The following SERPINB8 variants were observed in gnomAD, a reference collection of about 807,000 sequenced individuals.
SERPINB8 encodes serpin B8.
In SERPINB8, 25 loss-of-function variants were observed where a neutral mutation model predicts 35.3. The ratio of observed to expected loss-of-function variants is 0.71; its 90% CI spans 0.52 to 0.99. The LOEUF is 0.99. SERPINB8 is among the 50% of genes least tolerant of loss of function. The probability of loss-of-function intolerance (pLI) is 0.00; values close to 1 mark genes in which losing one functional copy is unlikely to be tolerated. For synonymous variants in SERPINB8, 186 were observed against 160.8 expected (o/e 1.16, Z -1.19); for missense variants, 484 against 446.5 (o/e 1.08, Z -0.76).
downstream of SERPINB8, among the ~76,000 whole-genome samples, chr18:63,993,836 G>A (rs1285179976): frequency 6.6e-6 from 1 of 152,174 alleles, no homozygotes; most frequent in East Asian, 1.9e-4. Flanking sequence ...TGCAGTCAAG[G>A]ACTCAGGCCC....
In SERPINB8 at chr18:63,988,493, AC is replaced by A. The variant is rs1164602260; in HGVS notation, c.*1216del. On this transcript the variant is annotated 3_prime_UTR_variant, in exon 7 of 7. Coordinates refer to ENST00000397985, the MANE Select transcript of SERPINB8 (RefSeq NM_002640.4). ...CTTAATATATTTTTTAAAATTCCTA[AC>A]AATAGTACTGTTGAGATAAAAGTTG... The A allele has an allele frequency of 7.2e-5, 11 of 152,216 alleles. No individual in the cohort carries two copies. The highest frequency in any genetic ancestry group is 7.2e-4 in the Admixed American group (11 of 15,292). The allele number at this position is 152,216 out of a possible 1,614,324, so 9.4% of individuals were successfully genotyped here.
At chr18:63,993,137 T>A (rs1469643930), downstream of SERPINB8, among the ~76,000 whole-genome samples, 1 of 151,898 alleles carries the variant, frequency 6.6e-6, no homozygotes, top group Admixed American at 6.6e-5. Context: ...TTTTAGTTTT[T>A]TTAAGGTGAA....
intron 1 of SERPINB8, among the ~76,000 whole-genome samples, chr18:63,995,547 T>C (rs2050845111): frequency 6.6e-6 from 1 of 152,210 alleles, no homozygotes; most frequent in Admixed American, 6.5e-5. Context: ...GTGTTCTTGG[T>C]ATAGATGTAT....
chr18:64,018,020 A>G (rs1201198282), intron 7 of SERPINB8, among the ~76,000 whole-genome samples: 1 of 152,226 alleles, frequency 6.6e-6, no homozygotes, highest in Non-Finnish European at 1.5e-5. Flanking sequence ...AGAAGTTCAA[A>G]AACAGACTAA....
rs755444461 is a variant in SERPINB8, at chr18:63,983,715, C to T, written c.561C>T (p.Thr187=). 6.2e-7 allele frequency: 1 copy of T among 1,612,176 alleles called. No homozygotes were observed. The highest frequency in any genetic ancestry group is 1.1e-5 in the South Asian group (1 of 90,968). ...ACACAAGGGGAATGCTCTTTAAAAC[C>T]AACGAGGTAGGGAAAGATTTTTCAG... ...RKYTRGMLFK[T]NEEKKTVQMM... is the part of the protein sequence containing the mutation. Residue 187 remains threonine, a synonymous_variant, in exon 5 of 7, where the codon ACC becomes ACT. Transcript: ENST00000397985.
intron 2 of SERPINB8, among the ~76,000 whole-genome samples, chr18:63,979,428 A>G (rs1027795312): frequency 1.3e-5 from 2 of 152,124 alleles, no homozygotes; most frequent in African/African-American, 2.4e-5. Context: ...GCATGAATAA[A>G]TTTGCTAGAC....
downstream of SERPINB8, among the ~76,000 whole-genome samples, chr18:63,990,389 T>C (rs2050818556): frequency 6.6e-6 from 1 of 152,172 alleles, no homozygotes; most frequent in Admixed American, 6.5e-5. Flanking sequence ...TGTTTTCTTA[T>C]TGTATTTTGA....
intron 2 of SERPINB8, 80 bp downstream of exon 2, chr18:63,978,556 T>A: frequency 6.5e-7 from 1 of 1,530,876 alleles, no homozygotes; most frequent in Non-Finnish European, 8.9e-7. Context: ...GTACTTTTGC[T>A]CTAGCTGAGG....
chr18:63,982,911 A>T (rs2050694214), intron 4 of SERPINB8, among the ~76,000 whole-genome samples: 1 of 145,754 alleles, frequency 6.9e-6, no homozygotes, highest in African/African-American at 2.6e-5. Flanking sequence ...CTACCCCCCT[A>T]ATTCCTTTGC....
intron 5 of SERPINB8, 37 bp downstream of exon 5, chr18:63,983,758 T>G: frequency 7.0e-7 from 1 of 1,419,476 alleles, no homozygotes; most frequent in Non-Finnish European, 9.9e-7. Context: ...GCTACTTTCT[T>G]AAAGTAATAT....
chr18:63,981,349 G>T (rs1375939681), intron 3 of SERPINB8, among the ~76,000 whole-genome samples: 1 of 152,194 alleles, frequency 6.6e-6, no homozygotes, highest in African/African-American at 2.4e-5. Context: ...GTTGGTGCTG[G>T]TGATGCAAAA....
Position 63,981,823 on chromosome 18 carries a change from G to A in SERPINB8, c.409G>A (p.Ala137Thr). The A allele has an allele frequency of 6.2e-7, 1 of 1,610,132 alleles. No homozygotes were observed. The highest frequency in any genetic ancestry group is 8.5e-7 in the Non-Finnish European group (1 of 1,176,914). ...CAGGAAGCATATAAATGACTGGGTG[G>A]CAGAGAAGACTGAAGGTGAGACAGT... ...ECRKHINDWVAEKTEGKISEV... is the reference protein window; with the variant it reads ...ECRKHINDWVTEKTEGKISEV... Residue 137 changes from alanine to threonine, a missense_variant, in exon 4 of 7, where the codon GCA becomes ACA. By Grantham distance (58) the Ala-to-Thr change is moderately conservative. Coordinates refer to ENST00000397985, the MANE Select transcript of SERPINB8 (RefSeq NM_002640.4).
intron 2 of SERPINB8, among the ~76,000 whole-genome samples, chr18:63,979,177 C>CACCACAGAG (rs1432843188): frequency 6.6e-6 from 1 of 152,194 alleles, no homozygotes; most frequent in Non-Finnish European, 1.5e-5. Flanking sequence ...TTTCTTTCAA[C>CACCACAGAG]TGATTGGAGG....
chr18:63,975,499 C>T (rs1315387328), intron 1 of SERPINB8, among the ~76,000 whole-genome samples: 1 of 152,170 alleles, frequency 6.6e-6, no homozygotes, highest in African/African-American at 2.4e-5. Flanking sequence ...TAAACAACCT[C>T]TTAAGTATAG....
intron 1 of SERPINB8, among the ~76,000 whole-genome samples, chr18:64,000,538 G>A (rs2050869314): frequency 6.6e-6 from 1 of 152,138 alleles, no homozygotes; most frequent in Admixed American, 6.5e-5. Flanking sequence ...TGTGATCTCG[G>A]GAGGGAGGCA....
At chr18:64,011,558 C>T (rs1233341003) in intron 7 of SERPINB8, among the ~76,000 whole-genome samples, 1 of 152,122 alleles carries the variant, frequency 6.6e-6, no homozygotes, top group Non-Finnish European at 1.5e-5. Flanking sequence ...TTATCAGTGT[C>T]CATACAAGTG....
At chr18:63,973,523 T>C (rs1256525759) in intron 1 of SERPINB8, among the ~76,000 whole-genome samples, 5 of 152,230 alleles carry the variant, frequency 3.3e-5, no homozygotes, top group Non-Finnish European at 7.3e-5. Context: ...ACTTTGGCTT[T>C]TGTTGCCATT....
chr18:64,001,658 T>A (rs2050875600), intron 1 of SERPINB8, among the ~76,000 whole-genome samples: 1 of 152,054 alleles, frequency 6.6e-6, no homozygotes, highest in Admixed American at 6.5e-5. Context: ...CGCTAATTTT[T>A]GTATTTTTAG....
chr18:63,990,721 G>T (rs1394677128), downstream of SERPINB8, among the ~76,000 whole-genome samples: 1 of 126,644 alleles, frequency 7.9e-6, no homozygotes, highest in East Asian at 2.5e-4. Flanking sequence ...CTGTGTCCAT[G>T]TGTTCTCATT....
Sources: allele counts gnomAD v4.1 joint callset (sites outside exome capture counted in the v4.1 genomes callset), GRCh38; gene constraint gnomAD v4.1.1; transcripts MANE v1.5; gene names NCBI Gene and HGNC (gene_info 2026-07-23, HGNC 2026-07-21).